TMEM167A: variants seen among roughly 807,000 people sequenced by gnomAD.
The protein encoded by TMEM167A is transmembrane protein 167A.
Under a neutral mutation model 11.6 loss-of-function variants are expected in TMEM167A, and 8 were observed. The ratio of observed to expected loss-of-function variants is 0.69; its 90% confidence interval spans 0.40 to 1.24. The LOEUF (loss-of-function observed/expected upper bound fraction) is 1.24, where lower values mean the gene tolerates loss of function less well. Among genes scored for constraint, TMEM167A ranks in the 50% most tolerant of loss-of-function variants. The pLI is 0.01. For synonymous variants in TMEM167A, 22 were observed against 28.0 expected (o/e 0.79, Z 0.67); for missense variants, 62 against 87.0 (o/e 0.71, Z 1.14).
chr5:83,067,528 A>G (rs1744500668), intron 1 of TMEM167A, among the ~76,000 whole-genome samples: 1 of 152,108 alleles, frequency 6.6e-6, no homozygotes, highest in Non-Finnish European at 1.5e-5. Context: ...GTGGAGGGAC[A>G]GAGTCTTGCT....
intron 1 of TMEM167A, 85 bp downstream of exon 1, chr5:83,077,236 G>C: frequency 6.2e-7 from 1 of 1,604,964 alleles, no homozygotes; most frequent in Non-Finnish European, 8.5e-7. Context: ...CACACACCCC[G>C]GGCTGCCGCA....
At position 83,056,773 on chromosome 5, in the gene TMEM167A, T is replaced by C. The variant is rs1744337552; in HGVS notation, c.*311A>G. The C allele has an allele frequency of 3.2e-6, 1 of 312,676 alleles. No individual in the cohort carries two copies. The highest frequency in any genetic ancestry group is 5.3e-5 in the Admixed American group (1 of 18,864). 19.4% of individuals were successfully genotyped at this position (312,676 alleles called of 1,614,324 possible). On this transcript the variant is annotated 3_prime_UTR_variant, in exon 4 of 4. Transcript: ENST00000502346. The stretch of plus-strand genomic sequence containing the variant: ...AAGGAACTTGAGTAATTAACCAATT[T>C]TGTTTTCTACTATGTGCCTTAGAGA...
intron 2 of TMEM167A, among the ~76,000 whole-genome samples, chr5:83,064,647 T>A (rs1467501460): frequency 1.3e-5 from 2 of 152,056 alleles, no homozygotes; most frequent in Admixed American, 6.6e-5. Flanking sequence ...TACTGAAGAA[T>A]AAATTCAACA....
rs562476203 is a variant in TMEM167A at position 83,077,386 on chromosome 5, G to T, written c.-63C>A. The T allele has an allele frequency of 6.2e-7, 1 of 1,613,264 alleles. No individual in the cohort carries two copies. Among genetic ancestry groups the T allele is most frequent in the African/African-American group, 1.3e-5 (1 of 75,038 alleles). On this transcript the variant is annotated 5_prime_UTR_variant, in exon 1 of 4. Coordinates refer to ENST00000502346, the MANE Select transcript of TMEM167A (RefSeq NM_174909.5). ...GGGGCTCAGGCGGAAGAGGCTGCAT[G>T]TCCCGTCTGCCCTTCTCGCCCTCTC...
intron 3 of TMEM167A, among the ~76,000 whole-genome samples, chr5:83,060,337 A>G (rs1744389814): frequency 6.6e-6 from 1 of 152,156 alleles, no homozygotes; most frequent in Non-Finnish European, 1.5e-5. Context: ...AGCTTTATGA[A>G]AGAAAAGTAG....
chr5:83,060,831 C>CA (rs35024013), intron 3 of TMEM167A, among the ~76,000 whole-genome samples: 35,500 of 119,962 alleles, frequency 0.3, 5,064 homozygotes, highest in Non-Finnish European at 0.39. Flanking sequence ...ACTCCATCTC[C>CA]AAAAAAAAAA....
intron 2 of TMEM167A, chr5:83,064,329 C>T (rs1466717251): frequency 3.9e-6 from 2 of 518,414 alleles, no homozygotes; most frequent in Non-Finnish European, 7.7e-6. Context: ...CAGACATTTC[C>T]ACATGCAACC....
chr5:83,057,798 T>C (rs960268573), intron 3 of TMEM167A, among the ~76,000 whole-genome samples: 25 of 152,152 alleles, frequency 1.6e-4, no homozygotes, highest in African/African-American at 5.3e-4. Flanking sequence ...CACATGCATT[T>C]AAGGAATGCT....
At chr5:83,059,002 T>C (rs1451942966) in intron 3 of TMEM167A, among the ~76,000 whole-genome samples, 1 of 152,074 alleles carries the variant, frequency 6.6e-6, no homozygotes, top group East Asian at 1.9e-4. Context: ...GAGAGGAGCA[T>C]ATGCTTGAGA....
At chr5:83,071,124 CA>C (rs1561304637) in intron 1 of TMEM167A, among the ~76,000 whole-genome samples, 1 of 152,054 alleles carries the variant, frequency 6.6e-6, no homozygotes, top group African/African-American at 2.4e-5. Flanking sequence ...ACTAAATCTA[CA>C]GTACTTTTAT....
At chr5:83,061,935 A>C in intron 2 of TMEM167A, 24 bp from the exon 3 acceptor site, 2 of 1,600,558 alleles carry the variant, frequency 1.2e-6, no homozygotes, top group Non-Finnish European at 1.7e-6. Context: ...AAAAAGAAAA[A>C]AAGTAGCTAT....
At chr5:83,075,000 C>G (rs1444517267) in intron 1 of TMEM167A, among the ~76,000 whole-genome samples, 2 of 152,092 alleles carry the variant, frequency 1.3e-5, no homozygotes, top group Non-Finnish European at 2.9e-5. Flanking sequence ...CAACTCCCGA[C>G]CTCAGTTGAT....
chr5:83,066,178 A>G (rs1054195807), intron 1 of TMEM167A, among the ~76,000 whole-genome samples: 1 of 152,220 alleles, frequency 6.6e-6, no homozygotes, highest in Non-Finnish European at 1.5e-5. Flanking sequence ...CTGTGTATAT[A>G]TAACAAAGAA....
rs894600736 is a variant in TMEM167A at position 83,055,554 on chromosome 5, C to T, written c.*1530G>A. The T allele has an allele frequency of 1.3e-5, 2 of 151,270 alleles. No homozygotes were observed. The highest frequency in any genetic ancestry group is 2.4e-5 in the African/African-American group (1 of 41,214). The allele number at this position is 151,270 out of a possible 1,614,324, so 9.4% of individuals were successfully genotyped here. A position where few individuals can be genotyped will look rare whatever the true frequency, so the allele number is the denominator to read the frequency against. On this transcript the variant is annotated 3_prime_UTR_variant, in exon 4 of 4. Coordinates refer to ENST00000502346, the MANE Select transcript of TMEM167A (RefSeq NM_174909.5). ...CCACTTTTAACTGCCATAGACATGC[C>T]AAAAATATAAAACCAAAACCAAACC... is the stretch of plus-strand genomic sequence containing the variant.
intron 1 of TMEM167A, among the ~76,000 whole-genome samples, chr5:83,072,476 T>C (rs549836361): frequency 3.0e-4 from 46 of 152,316 alleles, no homozygotes; most frequent in Non-Finnish European, 5.3e-4. Context: ...AAAGCCATCA[T>C]TGCCCAGAAA....
intron 1 of TMEM167A, 62 bp from the exon 2 acceptor site, chr5:83,065,179 T>C (rs1374722287): frequency 4.8e-6 from 5 of 1,039,598 alleles, no homozygotes; most frequent in Non-Finnish European, 7.2e-6. Flanking sequence ...TAAAAAATGT[T>C]TGACAATTCC....
chr5:83,074,749 C>T (rs1030716314), intron 1 of TMEM167A, among the ~76,000 whole-genome samples: 1 of 151,472 alleles, frequency 6.6e-6, no homozygotes, highest in Non-Finnish European at 1.5e-5. Flanking sequence ...CTTGAAGACA[C>T]TGAGCATGTT....
At position 83,054,844 on chromosome 5, in the gene TMEM167A, AT is replaced by A. The variant is rs1209287351; in HGVS notation, c.*2239del. The A allele has an allele frequency of 1.3e-5, 2 of 151,950 alleles. No individual in the cohort carries two copies. The highest frequency in any genetic ancestry group is 3.8e-4 in the East Asian group (2 of 5,196). The allele number at this position is 151,950 out of a possible 1,614,324, so 9.4% of individuals were successfully genotyped here. A position where few individuals can be genotyped will look rare whatever the true frequency, so the allele number is the denominator to read the frequency against. Reference sequence around the variant, plus strand: ...ACCCCTGAACCTAAAAGTTAAAAAAATAAAAGGGATAGTCTATCTGATGCTT... The same window carrying A: ...ACCCCTGAACCTAAAAGTTAAAAAAAAAAAGGGATAGTCTATCTGATGCTT... On this transcript the variant is annotated 3_prime_UTR_variant, in exon 4 of 4. Coordinates refer to ENST00000502346, the MANE Select transcript of TMEM167A (RefSeq NM_174909.5).
chr5:83,071,564 C>A (rs1157503756), intron 1 of TMEM167A: 1 of 152,130 alleles, frequency 6.6e-6, no homozygotes, highest in Non-Finnish European at 1.5e-5. Flanking sequence ...TGTTAGCCTG[C>A]ATATGAATGC....
Sources: gnomAD v4.1 joint callset for allele counts (sites outside exome capture counted in the v4.1 genomes callset) on GRCh38, gnomAD v4.1.1 for gene constraint, MANE v1.5 for transcripts, NCBI Gene and HGNC (gene_info 2026-07-23, HGNC 2026-07-21) for gene names.